SMARCA2: variants seen among roughly 807,000 people sequenced by gnomAD.
SMARCA2 encodes SWI/SNF related BAF chromatin remodeling complex subunit ATPase 2.
A neutral mutation model predicts 199.8 loss-of-function variants in SMARCA2; 61 were observed. That is an observed-to-expected ratio of 0.31 (90% CI 0.25 to 0.38). The LOEUF is 0.38. SMARCA2 is among the 10% of genes least tolerant of loss of function. The pLI, the probability that SMARCA2 is intolerant of heterozygous loss-of-function variation, is 1.00. For synonymous variants in SMARCA2, 935 were observed against 732.0 expected (o/e 1.28, Z -4.48); for missense variants, 1,344 against 2,012.2 (o/e 0.67, Z 6.35).
chr9:2,190,941 C>G (rs1023209493), intron 32 of SMARCA2, among the ~76,000 whole-genome samples: 4 of 152,180 alleles, frequency 2.6e-5, no homozygotes, highest in Non-Finnish European at 5.9e-5. Context: ...AACACCTCCA[C>G]AAGTAGAAAA....
At chr9:2,184,643 C>T (rs919676083) in intron 31 of SMARCA2, among the ~76,000 whole-genome samples, 17 of 152,094 alleles carry the variant, frequency 1.1e-4, no homozygotes, top group African/African-American at 3.1e-4. Flanking sequence ...GTGAGTACCA[C>T]ACCTGGCCCA....
At chr9:2,189,912 C>G (rs1827760147) in intron 32 of SMARCA2, among the ~76,000 whole-genome samples, 1 of 152,150 alleles carries the variant, frequency 6.6e-6, no homozygotes, top group African/African-American at 2.4e-5. Context: ...GAAACAAACA[C>G]TCTCATCTCC....
chr9:2,093,290 T>C (rs964052091), intron 19 of SMARCA2, among the ~76,000 whole-genome samples: 4 of 152,198 alleles, frequency 2.6e-5, no homozygotes, highest in African/African-American at 9.7e-5. Context: ...AGTAATCCAT[T>C]GGGTGGAGAA....
intron 13 of SMARCA2, among the ~76,000 whole-genome samples, 173 bp downstream of exon 13, chr9:2,076,502 G>A (rs560288674): frequency 2.0e-5 from 3 of 151,832 alleles, no homozygotes; most frequent in Admixed American, 6.6e-5. Context: ...TCGGGGTTTC[G>A]TGTTGATTCT....
rs376947227 is a variant in SMARCA2, at chr9:2,123,685, T to C, written c.3763-34T>C. 5.0e-6 allele frequency: 8 copies of C among 1,594,190 alleles called. No homozygotes were observed. In the African/African-American group the frequency reaches 1.1e-4, roughly 21 times the overall value. On this transcript the variant is annotated intron_variant, in intron 26 of 33. Transcript: ENST00000349721. The surrounding 1 kb of genome is among the most constrained non-coding windows in gnomAD (Gnocchi z 4.1). ...GGAAGTCTGCACCATACAGAAGCCC[T>C]GACTTTCGGTGACCCTCTTATTAAT...
chr9:2,157,389 C>T (rs10811550), intron 27 of SMARCA2, among the ~76,000 whole-genome samples: 125,432 of 152,068 alleles, frequency 0.82, 52,047 homozygotes, highest in African/African-American at 0.91. Context: ...CATTCTTTAA[C>T]GCTTAGCCCT....
chr9:2,100,104 G>C (rs57430178), intron 21 of SMARCA2, among the ~76,000 whole-genome samples: 5,790 of 152,298 alleles, frequency 0.038, 365 homozygotes, highest in African/African-American at 0.13. Flanking sequence ...ATCCAGGGAG[G>C]AGGGAAAGCA....
intron 19 of SMARCA2, among the ~76,000 whole-genome samples, chr9:2,089,845 T>G (rs1445314506): frequency 6.6e-6 from 1 of 152,200 alleles, no homozygotes; most frequent in Non-Finnish European, 1.5e-5. Flanking sequence ...GTTACGGTGA[T>G]TCTGCAAGTG....
At chr9:2,162,929 C>G (rs571485323) in intron 28 of SMARCA2, 76 of 152,290 alleles carry the variant, frequency 5.0e-4, no homozygotes, top group African/African-American at 1.6e-3. Flanking sequence ...TACACTTGGT[C>G]TTAGCCAAAA....
intron 6 of SMARCA2, among the ~76,000 whole-genome samples, chr9:2,055,053 A>G (rs968277831): frequency 6.6e-6 from 1 of 152,222 alleles, no homozygotes; most frequent in African/African-American, 2.4e-5. Context: ...TATGACTCCA[A>G]GGAAAAACCA....
intron 14 of SMARCA2, among the ~76,000 whole-genome samples, chr9:2,080,801 A>G (rs1277148427): frequency 6.6e-6 from 1 of 152,234 alleles, no homozygotes; most frequent in Non-Finnish European, 1.5e-5. Flanking sequence ...TTTTATATGT[A>G]TACATATACA....
intron 10 of SMARCA2, among the ~76,000 whole-genome samples, chr9:2,072,301 G>C (rs995141634): frequency 1.3e-5 from 2 of 152,026 alleles, no homozygotes; most frequent in African/African-American, 4.8e-5. Context: ...TTTTACTTAG[G>C]GATCTGTTCT....
intron 19 of SMARCA2, among the ~76,000 whole-genome samples, chr9:2,093,205 A>G (rs1822134458): frequency 1.3e-5 from 2 of 152,334 alleles, no homozygotes; most frequent in African/African-American, 4.8e-5. Flanking sequence ...AGAATGAATG[A>G]TCCAGGCATT....
chr9:2,186,525 G>T (rs1009622292), intron 32 of SMARCA2, among the ~76,000 whole-genome samples: 2 of 152,040 alleles, frequency 1.3e-5, no homozygotes, highest in African/African-American at 4.8e-5. Context: ...TTGAGACAGG[G>T]TCTCACTCTG....
chr9:2,162,742 A>G (rs1825745508), intron 28 of SMARCA2: 1 of 152,212 alleles, frequency 6.6e-6, no homozygotes, highest in Non-Finnish European at 1.5e-5. Flanking sequence ...TAAATTACCA[A>G]TTGAAAAAAA....
intron 24 of SMARCA2, among the ~76,000 whole-genome samples, chr9:2,114,718 G>A (rs906679371): frequency 5.9e-5 from 9 of 152,226 alleles, no homozygotes; most frequent in African/African-American, 1.9e-4. Flanking sequence ...TTTCATGAAA[G>A]CTTTTTTCTT....
At chr9:2,114,944 A>G (rs1823154656) in intron 24 of SMARCA2, among the ~76,000 whole-genome samples, 2 of 152,178 alleles carry the variant, frequency 1.3e-5, no homozygotes, top group Non-Finnish European at 2.9e-5. Flanking sequence ...TTATGTCATT[A>G]AATCTCCTAC....
Position 2,104,198 on chromosome 9 carries a change from G to C in SMARCA2, c.3292+29G>C. 1 of 1,591,532 alleles carries C rather than the reference G, an allele frequency of 6.3e-7. No individual in the cohort carries two copies. Among genetic ancestry groups the C allele is most frequent in the Non-Finnish European group, 8.6e-7 (1 of 1,164,474 alleles). On this transcript the variant is annotated intron_variant, in intron 23 of 33. Transcript: ENST00000349721. The surrounding 1 kb of genome is among the most constrained non-coding windows in gnomAD (Gnocchi z 4.0). Reference sequence around the variant, plus strand: ...AGTGCATAAGGCATTAGGCTCGGAAGCCATACTACTGAAAATGAAGGGATA... The same window carrying C: ...AGTGCATAAGGCATTAGGCTCGGAACCCATACTACTGAAAATGAAGGGATA...
intron 1 of SMARCA2, among the ~76,000 whole-genome samples, chr9:2,022,654 C>A (rs1263634681): frequency 6.6e-6 from 1 of 152,194 alleles, no homozygotes; most frequent in African/African-American, 2.4e-5. Context: ...GTATTTCAGA[C>A]TCTTCTTTTT....
Sources: allele counts gnomAD v4.1 joint callset (sites outside exome capture counted in the v4.1 genomes callset), GRCh38; gene constraint gnomAD v4.1.1; non-coding constraint Gnocchi (gnomAD v3.1); transcripts MANE v1.5; gene names NCBI Gene and HGNC (gene_info 2026-07-23, HGNC 2026-07-21).